Variants in LRRC36 observed in about 807,000 individuals in gnomAD.
LRRC36 encodes leucine-rich repeat-containing protein 36.
Under a neutral mutation model 81.1 loss-of-function variants are expected in LRRC36, and 62 were observed. The observed-to-expected ratio is 0.76, with a 90% CI of 0.62 to 0.94. LRRC36 has a LOEUF of 0.94. Ranked by LOEUF, LRRC36 falls within the 40% of genes least tolerant of loss-of-function variation. The pLI, the probability that LRRC36 is intolerant of heterozygous loss-of-function variation, is 0.00. For synonymous variants in LRRC36, 334 were observed against 348.6 expected (o/e 0.96, Z 0.47); for missense variants, 761 against 881.7 (o/e 0.86, Z 1.73).
intron 3 of LRRC36, among the ~76,000 whole-genome samples, chr16:67,346,997 C>T (rs778130784): frequency 2.6e-5 from 4 of 152,154 alleles, no homozygotes; most frequent in Non-Finnish European, 5.9e-5. Flanking sequence ...ATCTCAGTCT[C>T]CCAAGTAGCT....
At chr16:67,329,882 C>T (rs181322637) in intron 1 of LRRC36, among the ~76,000 whole-genome samples, 64 of 152,264 alleles carry the variant, frequency 4.2e-4, no homozygotes, top group African/African-American at 1.3e-3. Flanking sequence ...CGCGTCACTG[C>T]ACTCCAGCTT....
chr16:67,377,160 G>T (rs2039933585), intron 11 of LRRC36, among the ~76,000 whole-genome samples: 1 of 152,176 alleles, frequency 6.6e-6, no homozygotes, highest in African/African-American at 2.4e-5. Flanking sequence ...TAATGTTCTT[G>T]AAGGTTATGG....
At chr16:67,375,073 G>A (rs867713531) in intron 9 of LRRC36, among the ~76,000 whole-genome samples, 174 bp from the exon 10 acceptor site, 12 of 151,514 alleles carry the variant, frequency 7.9e-5, no homozygotes, top group African/African-American at 2.9e-4. Flanking sequence ...ATTGCAGTGA[G>A]CCCAGATCGC....
chr16:67,338,865 A>AT (rs71145967), intron 1 of LRRC36, among the ~76,000 whole-genome samples: 7 of 45,404 alleles, frequency 1.5e-4, no homozygotes, highest in Non-Finnish European at 2.1e-4. Context: ...TGGAAGCTGA[A>AT]TTTTTTTTTT....
chr16:67,341,059 AT>A (rs2038040971), intron 1 of LRRC36, among the ~76,000 whole-genome samples: 2 of 119,228 alleles, frequency 1.7e-5, no homozygotes, highest in African/African-American at 3.4e-5. Context: ...TACTCTACAT[AT>A]TCTATAGAAT....
At chr16:67,351,860 TA>T (rs2038657606) in intron 5 of LRRC36, among the ~76,000 whole-genome samples, 1 of 152,234 alleles carries the variant, frequency 6.6e-6, no homozygotes, top group Non-Finnish European at 1.5e-5. Flanking sequence ...TTTATTGTAA[TA>T]ATTTTGGAAA....
intron 10 of LRRC36, 116 bp downstream of exon 10, chr16:67,375,528 A>G: frequency 1.4e-6 from 1 of 728,520 alleles, no homozygotes; most frequent in East Asian, 2.9e-5. Context: ...TCATGATCAC[A>G]TCCTGAAACA....
intron 1 of LRRC36, among the ~76,000 whole-genome samples, chr16:67,331,069 A>AGAGAGAGAGAGAGAGAGAGAGAG (rs2037461259): frequency 8.4e-6 from 1 of 118,536 alleles, no homozygotes; most frequent in African/African-American, 3.6e-5. Context: ...GTGAGAGAGA[A>AGAGAGAGAGAGAGAGAGAGAGAG]AGAGAGAGAG....
intron 1 of LRRC36, among the ~76,000 whole-genome samples, chr16:67,332,975 C>T (rs1375472152): frequency 6.6e-6 from 1 of 151,486 alleles, no homozygotes; most frequent in African/African-American, 2.4e-5. Flanking sequence ...CACTGCAGTC[C>T]CGACCTCCTG....
At chr16:67,330,482 A>G (rs2037429816) in intron 1 of LRRC36, among the ~76,000 whole-genome samples, 1 of 152,188 alleles carries the variant, frequency 6.6e-6, no homozygotes, top group South Asian at 2.1e-4. Context: ...TTTCAGAATG[A>G]TGAGTTATTT....
chr16:67,365,269 A>T lies in LRRC36; in HGVS notation c.703-35A>T, dbSNP rs369009794. 2.8e-5 allele frequency: 41 copies of T among 1,482,828 alleles called. No individual in the cohort carries two copies. In the African/African-American group the frequency reaches 2.9e-4, roughly 10 times the overall value. 91.9% of individuals were successfully genotyped at this position (1,482,828 alleles called of 1,614,324 possible). ...TAAGCTCACATTTGAACGCGCATGG[A>T]CTTCCTTCTACCTAAACTTTCGAAC... On this transcript the variant is annotated intron_variant, in intron 6 of 13. Transcript: ENST00000329956.
intron 9 of LRRC36, 146 bp downstream of exon 9, chr16:67,371,388 G>T (rs753629822): frequency 3.3e-6 from 3 of 908,898 alleles, no homozygotes; most frequent in Non-Finnish European, 5.3e-6. Context: ...ATACTGCCAA[G>T]CTAACACCTG....
chr16:67,367,823 C>A (rs111580206), intron 8 of LRRC36, among the ~76,000 whole-genome samples: 13,471 of 152,048 alleles, frequency 0.089, 987 homozygotes, highest in African/African-American at 0.21. Flanking sequence ...GAGGCTGAGC[C>A]GGGTGGATCA....
chr16:67,375,828 G>A (rs962793005), intron 10 of LRRC36, among the ~76,000 whole-genome samples: 9 of 152,114 alleles, frequency 5.9e-5, no homozygotes, highest in African/African-American at 1.9e-4. Context: ...TGAAAATCTC[G>A]AATGAGTAAA....
intron 8 of LRRC36, among the ~76,000 whole-genome samples, chr16:67,368,814 G>A (rs1333317924): frequency 6.6e-6 from 1 of 152,172 alleles, no homozygotes; most frequent in African/African-American, 2.4e-5. Flanking sequence ...GTGGTGAGAA[G>A]TAGTCAGATT....
intron 12 of LRRC36, among the ~76,000 whole-genome samples, chr16:67,381,236 A>C (rs1338087891): frequency 1.3e-5 from 2 of 150,016 alleles, no homozygotes; most frequent in Non-Finnish European, 3.0e-5. Context: ...CTCAGAAAAA[A>C]AAAAAAAAAA....
Position 67,366,758 on chromosome 16 carries a change from A to C in LRRC36, c.755-259A>C, listed in dbSNP as rs557478663. Among the ~76,000 whole-genome samples the C allele has an allele frequency of 3.3e-5, 5 of 152,126 alleles. No individual in the cohort carries two copies. In the South Asian group the frequency reaches 8.3e-4, roughly 25 times the overall value. On this transcript the variant is annotated intron_variant, in intron 7 of 13. Coordinates refer to ENST00000329956, the MANE Select transcript of LRRC36 (RefSeq NM_018296.6). ...GAGTGAGACCCTGTCTCAAAAAAAA[A>C]AAAGAAACAGAATTTGTCTCCAGAA... is the stretch of plus-strand genomic sequence containing the variant.
Position 67,331,069 on chromosome 16 carries a change from AAGAGAGAGAGAGAGAGAGAG to A in LRRC36, c.70+4163_70+4182del, listed in dbSNP as rs71145966. ...GTGCATGTGTGAGATGTGAGAGAGA[AAGAGAGAGAGAGAGAGAGAG>A]AGAGAGAGAGAGAGAGAGAGAGAGA... On this transcript the variant is annotated intron_variant, in intron 1 of 13. Coordinates refer to ENST00000329956, the MANE Select transcript of LRRC36 (RefSeq NM_018296.6). Among the ~76,000 whole-genome samples the A allele has an allele frequency of 9.6e-4, 114 of 118,636 alleles. 1 individual carries two copies. The highest frequency in any genetic ancestry group is 3.5e-3 in the African/African-American group (98 of 27,972). The allele number at this position is 118,636 out of a possible 152,430, so 77.8% of individuals were successfully genotyped here. A position where few individuals can be genotyped will look rare whatever the true frequency, so the allele number is the denominator to read the frequency against.
chr16:67,361,173 G>A (rs1356408908), intron 5 of LRRC36, among the ~76,000 whole-genome samples: 1 of 152,102 alleles, frequency 6.6e-6, no homozygotes, highest in Non-Finnish European at 1.5e-5. Context: ...AAATAGCTGG[G>A]ACTCATGCCA....
Sources: allele counts gnomAD v4.1 joint callset (sites outside exome capture counted in the v4.1 genomes callset), GRCh38; gene constraint gnomAD v4.1.1; transcripts MANE v1.5; gene names NCBI Gene and HGNC (gene_info 2026-07-23, HGNC 2026-07-21).